Variants in ARMC3 observed in about 807,000 individuals in gnomAD.
ARMC3 encodes the protein armadillo repeat containing 3.
A neutral mutation model predicts 90.3 loss-of-function variants in ARMC3; 74 were observed. The observed-to-expected ratio is 0.82, with a 90% confidence interval of 0.68 to 0.99. The LOEUF is 0.99. Ranked by LOEUF, ARMC3 falls within the 50% of genes least tolerant of loss-of-function variation. The pLI is 0.00. For synonymous variants in ARMC3, 334 were observed against 361.8 expected (o/e 0.92, Z 0.87); for missense variants, 958 against 1,042.8 (o/e 0.92, Z 1.12).
In ARMC3 at chr10:22,978,971, C is replaced by T. The variant is rs181030679; in HGVS notation, c.917-2369C>T. On this transcript the variant is annotated intron_variant, in intron 8 of 18. Transcript: ENST00000298032. ...TGTTGTTTGTTGAGTAAACTTTTAA[C>T]ATGCATCTCAACTGTGGAAAGCCCA... Among the ~76,000 whole-genome samples the T allele has an allele frequency of 1.3e-3, 191 of 152,286 alleles. 1 individual carries two copies. In the South Asian group the frequency reaches 0.015, roughly 12 times the overall value.
At chr10:22,961,794 T>A in intron 6 of ARMC3, 90 bp from the exon 7 acceptor site, 2 of 1,125,078 alleles carry the variant, frequency 1.8e-6, no homozygotes, top group Non-Finnish European at 2.5e-6. Context: ...AAATTATAAC[T>A]TATGTTCTTG....
chr10:22,961,267 A>T (rs191188241), intron 6 of ARMC3: 28 of 152,338 alleles, frequency 1.8e-4, no homozygotes, highest in Admixed American at 1.8e-3. Context: ...AGAGTTTGGG[A>T]GCTTTTCATG....
intron 10 of ARMC3, among the ~76,000 whole-genome samples, chr10:22,982,335 G>A (rs1263466693): frequency 1.3e-5 from 2 of 152,184 alleles, no homozygotes; most frequent in Admixed American, 6.5e-5. Flanking sequence ...CCGAGCTCGT[G>A]CCATTGCACT....
intron 14 of ARMC3, among the ~76,000 whole-genome samples, chr10:23,007,675 G>A (rs4748834): frequency 0.79 from 115,635 of 146,118 alleles, 47,122 homozygotes; most frequent in Non-Finnish European, 0.9. Flanking sequence ...ACTCTAGCCT[G>A]GCAACAGAGC....
intron 16 of ARMC3, among the ~76,000 whole-genome samples, chr10:23,026,912 A>G (rs66815792): frequency 0.067 from 10,266 of 152,252 alleles, 381 homozygotes; most frequent in South Asian, 0.089. Context: ...CCTTTGTCAA[A>G]AATCAGTGGA....
At chr10:23,031,707 A>G (rs184154624) in intron 17 of ARMC3, among the ~76,000 whole-genome samples, 5 of 152,122 alleles carry the variant, frequency 3.3e-5, no homozygotes, top group Non-Finnish European at 5.9e-5. Flanking sequence ...CTTTGTTCCT[A>G]TCAGTAACAC....
chr10:23,031,640 A>T (rs1435294229), intron 17 of ARMC3, among the ~76,000 whole-genome samples: 1 of 152,186 alleles, frequency 6.6e-6, no homozygotes, highest in Non-Finnish European at 1.5e-5. Context: ...TTGAGAAGTG[A>T]TGGCTCAAGC....
chr10:22,988,926 G>A (rs1206327215), intron 10 of ARMC3, among the ~76,000 whole-genome samples: 2 of 152,208 alleles, frequency 1.3e-5, no homozygotes, highest in East Asian at 1.9e-4. Context: ...ATGCAAGTTC[G>A]TGTTGTAGAC....
chr10:22,965,808 T>C (rs1018677043), intron 7 of ARMC3, among the ~76,000 whole-genome samples: 7 of 152,192 alleles, frequency 4.6e-5, no homozygotes, highest in African/African-American at 1.7e-4. Context: ...AGTAAATTTT[T>C]CTTTCTAGTT....
At chr10:22,932,336 C>T (rs1413812223) in intron 2 of ARMC3, among the ~76,000 whole-genome samples, 1 of 152,190 alleles carries the variant, frequency 6.6e-6, no homozygotes, top group African/African-American at 2.4e-5. Context: ...CTTTTAAATA[C>T]TTACCATTTA....
chr10:22,987,006 C>T (rs1836478161), intron 10 of ARMC3, among the ~76,000 whole-genome samples: 1 of 152,030 alleles, frequency 6.6e-6, no homozygotes, highest in African/African-American at 2.4e-5. Flanking sequence ...TAAAACAATG[C>T]CTGTAGAAAG....
chr10:22,973,676 C>T (rs544975916), intron 8 of ARMC3, among the ~76,000 whole-genome samples: 1 of 150,050 alleles, frequency 6.7e-6, no homozygotes, highest in African/African-American at 2.4e-5. Context: ...TATGATCTGT[C>T]ACAGATGAAG....
At chr10:22,973,634 G>C (rs963144762) in intron 8 of ARMC3, among the ~76,000 whole-genome samples, 1 of 150,388 alleles carries the variant, frequency 6.6e-6, no homozygotes, top group African/African-American at 2.4e-5. Context: ...AAATTATATT[G>C]TACAGTTTTA....
At chr10:23,001,526 T>C (rs1837289413) in intron 11 of ARMC3, among the ~76,000 whole-genome samples, 1 of 151,982 alleles carries the variant, frequency 6.6e-6, no homozygotes, top group South Asian at 2.1e-4. Context: ...CTCTGCAGAG[T>C]CCCTTCCAGG....
rs914239542 is a variant in ARMC3, at chr10:22,994,670, C to T, written c.1176-3478C>T. The stretch of plus-strand genomic sequence containing the variant: ...TTAAAACATCACTTTAGCTGTAAGA[C>T]GGAGGAAGGACTGGAGGGGGTGAGG... On this transcript the variant is annotated intron_variant, in intron 10 of 18. Coordinates refer to ENST00000298032, the MANE Select transcript of ARMC3 (RefSeq NM_173081.5). Among the ~76,000 whole-genome samples, 111 of 152,106 alleles carry T rather than the reference C, an allele frequency of 7.3e-4. 2 individuals are homozygous for T. The highest frequency in any genetic ancestry group is 6.2e-4 in the South Asian group (3 of 4,822).
chr10:22,955,992 T>C (rs1244243848), intron 4 of ARMC3, 60 bp downstream of exon 4: 2 of 1,415,504 alleles, frequency 1.4e-6, no homozygotes, highest in Admixed American at 2.2e-5. Context: ...ATCATTCTTT[T>C]AAATTTAACA....
At chr10:22,974,992 T>C (rs981688343) in intron 8 of ARMC3, among the ~76,000 whole-genome samples, 7 of 152,316 alleles carry the variant, frequency 4.6e-5, no homozygotes, top group African/African-American at 1.7e-4. Flanking sequence ...TAACCACATT[T>C]GTCATTTAGA....
At chr10:22,959,270 G>T (rs1293669179) in intron 5 of ARMC3, 129 bp from the exon 6 acceptor site, 1 of 1,323,414 alleles carries the variant, frequency 7.6e-7, no homozygotes, top group Admixed American at 2.0e-5. Flanking sequence ...GCTCAATTTT[G>T]AGTTTATAAA....
intron 8 of ARMC3, among the ~76,000 whole-genome samples, chr10:22,977,082 G>T (rs953788689): frequency 2.0e-5 from 3 of 152,146 alleles, no homozygotes; most frequent in Admixed American, 2.0e-4. Context: ...ATACTCATTT[G>T]CTCTGGTTTG....
Sources: gnomAD v4.1 joint callset for allele counts (sites outside exome capture counted in the v4.1 genomes callset) on GRCh38, gnomAD v4.1.1 for gene constraint, MANE v1.5 for transcripts, NCBI Gene and HGNC (gene_info 2026-07-23, HGNC 2026-07-21) for gene names.